Variants in KCTD7 observed in about 807,000 individuals in gnomAD.
The protein encoded by KCTD7 is potassium channel tetramerization domain containing 7.
KCTD7 carries 15 observed loss-of-function variants against 27.0 expected under a neutral mutation model. The observed-to-expected ratio is 0.56, with a 90% confidence interval of 0.37 to 0.86. The LOEUF (loss-of-function observed/expected upper bound fraction) is 0.86, where lower values mean the gene tolerates loss of function less well. Among genes scored for constraint, KCTD7 ranks in the 40% least tolerant of loss-of-function variants. KCTD7 has a pLI of 0.00. For missense variants in KCTD7, 299 were observed against 398.9 expected (o/e 0.75, Z 2.13); for synonymous variants, 159 against 162.7 (o/e 0.98, Z 0.17).
chr7:66,634,048 CCACA>C (rs746880890), intron 2 of KCTD7, among the ~76,000 whole-genome samples: 1 of 144,716 alleles, frequency 6.9e-6, no homozygotes, highest in Non-Finnish European at 1.5e-5. Context: ...CATTATACAC[CCACA>C]CACACAGATG....
chr7:66,636,677 G>A (rs1308425030), intron 2 of KCTD7, among the ~76,000 whole-genome samples: 2 of 152,136 alleles, frequency 1.3e-5, no homozygotes, highest in African/African-American at 4.8e-5. Context: ...GGAGGCTGAG[G>A]CAAGAGGACT....
intron 1 of KCTD7, among the ~76,000 whole-genome samples, chr7:66,629,947 A>G (rs1004164740): frequency 5.9e-5 from 9 of 152,280 alleles, no homozygotes; most frequent in African/African-American, 2.2e-4. Flanking sequence ...GTGTGATACT[A>G]TCATGTCAAC....
rs1389745036 is a variant in KCTD7 at position 66,640,511 on chromosome 7, C to T, written c.*1279C>T. 2 of 1,516,430 alleles carry T rather than the reference C, an allele frequency of 1.3e-6. No individual in the cohort carries two copies. Among genetic ancestry groups the T allele is most frequent in the Admixed American group, 4.2e-5 (2 of 47,344 alleles). 93.9% of individuals were successfully genotyped at this position (1,516,430 alleles called of 1,614,324 possible). On this transcript the variant is annotated 3_prime_UTR_variant, in exon 4 of 4. Coordinates refer to ENST00000639828, the MANE Select transcript of KCTD7 (RefSeq NM_153033.5). Reference sequence around the variant, plus strand: ...ATCTCCTAAAGGAAGAACTGTGTAGCACCATTGATCACAATGTAACATTTC... The same window carrying T: ...ATCTCCTAAAGGAAGAACTGTGTAGTACCATTGATCACAATGTAACATTTC...
In KCTD7 at chr7:66,639,636, T is replaced by C; in HGVS notation, c.*404T>C. The C allele has an allele frequency of 7.5e-7, 1 of 1,341,714 alleles. No individual in the cohort carries two copies. Among genetic ancestry groups the C allele is most frequent in the Non-Finnish European group, 9.6e-7 (1 of 1,043,580 alleles). 83.1% of individuals were successfully genotyped at this position (1,341,714 alleles called of 1,614,324 possible). A position where few individuals can be genotyped will look rare whatever the true frequency, so the allele number is the denominator to read the frequency against. ...TCACTTCCTCAACCCTGTTCAAGCGTCCCTCCCTTGTGCTCAGTATATTGG... is the reference window on the plus strand; with the variant it reads ...TCACTTCCTCAACCCTGTTCAAGCGCCCCTCCCTTGTGCTCAGTATATTGG... On this transcript the variant is annotated 3_prime_UTR_variant, in exon 4 of 4. Transcript: ENST00000639828.
intron 2 of KCTD7, 37 bp from the exon 3 acceptor site, chr7:66,638,202 TGCCCAGGAGCATAA>T (rs1327944586): frequency 6.2e-7 from 1 of 1,601,498 alleles, no homozygotes; most frequent in Non-Finnish European, 8.6e-7. Flanking sequence ...TGTGTGGCAC[TGCCCAGGAGCATAA>T]GCTCCTTGTC....
intron 2 of KCTD7, among the ~76,000 whole-genome samples, chr7:66,634,532 C>T (rs1280192547): frequency 6.6e-6 from 1 of 152,062 alleles, no homozygotes; most frequent in East Asian, 1.9e-4. Context: ...GCCACTGCAC[C>T]TGGCTGTCCT....
intron 2 of KCTD7, among the ~76,000 whole-genome samples, chr7:66,637,275 G>A (rs1196389505): frequency 6.6e-6 from 1 of 152,088 alleles, no homozygotes; most frequent in Non-Finnish European, 1.5e-5. Flanking sequence ...TAGTAGAGAT[G>A]GAGTTTCACC....
chr7:66,633,197 C>A, intron 1 of KCTD7, 78 bp from the exon 2 acceptor site: 1 of 1,454,872 alleles, frequency 6.9e-7, no homozygotes, highest in Admixed American at 1.7e-5. Context: ...ACCAATCAGA[C>A]CCCAGGGATT....
At chr7:66,634,192 T>TTCTATCTA (rs3069694) in intron 2 of KCTD7, among the ~76,000 whole-genome samples, 28,003 of 139,752 alleles carry the variant, frequency 0.2, 3,073 homozygotes, top group East Asian at 0.33. Context: ...ATGTGTGTGA[T>TTCTATCTA]TCTATCTATC....
In KCTD7 at chr7:66,640,864, GAC is replaced by G; in HGVS notation, c.*1634_*1635del. The G allele has an allele frequency of 1.0e-6, 1 of 986,010 alleles. No homozygotes were observed. The highest frequency in any genetic ancestry group is 1.2e-6 in the Non-Finnish European group (1 of 830,166). The allele number at this position is 986,010 out of a possible 1,614,324, so 61.1% of individuals were successfully genotyped here. A position where few individuals can be genotyped will look rare whatever the true frequency, so the allele number is the denominator to read the frequency against. Reference sequence around the variant, plus strand: ...ATAAATAAATAAATAAATTGGGGAGGACAGCCTCACTGGTATCAGACTTACAG... The same window carrying G: ...ATAAATAAATAAATAAATTGGGGAGGAGCCTCACTGGTATCAGACTTACAG... On this transcript the variant is annotated 3_prime_UTR_variant, in exon 4 of 4. Coordinates refer to ENST00000639828, the MANE Select transcript of KCTD7 (RefSeq NM_153033.5).
intron 2 of KCTD7, among the ~76,000 whole-genome samples, chr7:66,633,927 G>A (rs1315927779): frequency 6.6e-6 from 1 of 151,976 alleles, no homozygotes; most frequent in Non-Finnish European, 1.5e-5. Context: ...GGCAGAGGTT[G>A]CAGTGACCCG....
chr7:66,642,445 A>T lies in KCTD7; in HGVS notation c.*3213A>T. The T allele has an allele frequency of 1.0e-6, 1 of 985,428 alleles. No homozygotes were observed. The highest frequency in any genetic ancestry group is 1.2e-6 in the Non-Finnish European group (1 of 829,946). 61.0% of individuals were successfully genotyped at this position (985,428 alleles called of 1,614,324 possible). The stretch of plus-strand genomic sequence containing the variant: ...CTGGGCTGCTTGCTGGAGGAATAGG[A>T]AGTGACATTTATAAGACACAGGCGG... On this transcript the variant is annotated 3_prime_UTR_variant, in exon 4 of 4. Coordinates refer to ENST00000639828, the MANE Select transcript of KCTD7 (RefSeq NM_153033.5).
In KCTD7 at chr7:66,640,674, C is replaced by G; in HGVS notation, c.*1442C>G. On this transcript the variant is annotated 3_prime_UTR_variant, in exon 4 of 4. Coordinates refer to ENST00000639828, the MANE Select transcript of KCTD7 (RefSeq NM_153033.5). ...CTGTAGTCCCAGCTACTTGGGCACA[C>G]GCCTGTAGTCCAGGCCACTCGAGCA... 7.7e-7 allele frequency: 1 copy of G among 1,297,040 alleles called. No homozygotes were observed. Among genetic ancestry groups the G allele is most frequent in the African/African-American group, 1.5e-5 (1 of 66,386 alleles). The allele number at this position is 1,297,040 out of a possible 1,614,324, so 80.3% of individuals were successfully genotyped here.
rs1432707641 is a variant in KCTD7, at chr7:66,643,021, C to T, written c.*3789C>T. ...TGGTGTATTGAGCCTCAGTACACTCCAAGGGCATTAAAGTCAAGAACTAGA... is the reference window on the plus strand; with the variant it reads ...TGGTGTATTGAGCCTCAGTACACTCTAAGGGCATTAAAGTCAAGAACTAGA... On this transcript the variant is annotated 3_prime_UTR_variant, in exon 4 of 4. Transcript: ENST00000639828. The T allele has an allele frequency of 4.6e-5, 45 of 985,294 alleles. No homozygotes were observed. In the Admixed American group the frequency reaches 2.7e-3, roughly 59 times the overall value. The allele number at this position is 985,294 out of a possible 1,614,324, so 61.0% of individuals were successfully genotyped here.
Position 66,640,313 on chromosome 7 carries a change from A to AT in KCTD7, c.*1086dup. ...CTTTTGTTTTACTCCTCACTCCTCT[A>AT]TTTTTGTTTTACTCACTTCTTTATA... On this transcript the variant is annotated 3_prime_UTR_variant, in exon 4 of 4. Transcript: ENST00000639828. 6.5e-7 allele frequency: 1 copy of AT among 1,534,154 alleles called. No homozygotes were observed. Among genetic ancestry groups the AT allele is most frequent in the Non-Finnish European group, 8.7e-7 (1 of 1,145,368 alleles).
chr7:66,636,258 C>A (rs891442043), intron 2 of KCTD7, among the ~76,000 whole-genome samples: 1 of 151,878 alleles, frequency 6.6e-6, no homozygotes, highest in Non-Finnish European at 1.5e-5. Flanking sequence ...TTGCTGCACT[C>A]TGGTCTAAAT....
rs368351447 is a variant in KCTD7 at position 66,641,518 on chromosome 7, T to C, written c.*2286T>C. ...TTGCTCAAAAACAGGTCCTGAAGGC[T>C]TGCTTAGGATTACAGGGATGCTGGG... On this transcript the variant is annotated 3_prime_UTR_variant, in exon 4 of 4. Transcript: ENST00000639828. 1.3e-5 allele frequency: 13 copies of C among 985,420 alleles called. No homozygotes were observed. The African/African-American group carries it at 1.9e-4, about 15-fold the overall frequency. The allele number at this position is 985,420 out of a possible 1,614,324, so 61.0% of individuals were successfully genotyped here. A position where few individuals can be genotyped will look rare whatever the true frequency, so the allele number is the denominator to read the frequency against.
chr7:66,640,479 G>A lies in KCTD7; in HGVS notation c.*1247G>A. ...GCCTAGGCCAACTAGTCAGGGTCTGGACATGCATCTCCTAAAGGAAGAACT... is the reference window on the plus strand; with the variant it reads ...GCCTAGGCCAACTAGTCAGGGTCTGAACATGCATCTCCTAAAGGAAGAACT... On this transcript the variant is annotated 3_prime_UTR_variant, in exon 4 of 4. Transcript: ENST00000639828. 6.5e-7 allele frequency: 1 copy of A among 1,535,488 alleles called. No homozygotes were observed. Among genetic ancestry groups the A allele is most frequent in the South Asian group, 1.2e-5 (1 of 83,686 alleles).
At chr7:66,631,245 T>G (rs1404748533) in intron 1 of KCTD7, among the ~76,000 whole-genome samples, 3 of 152,186 alleles carry the variant, frequency 2.0e-5, no homozygotes, top group Admixed American at 2.0e-4. Context: ...CTGGGAAAGG[T>G]ACTGTGTAGA....
Sources: allele counts gnomAD v4.1 joint callset (sites outside exome capture counted in the v4.1 genomes callset), GRCh38; gene constraint gnomAD v4.1.1; transcripts MANE v1.5; gene names NCBI Gene and HGNC (gene_info 2026-07-23, HGNC 2026-07-21).